SYTL3: variants seen among roughly 807,000 people sequenced by gnomAD.
SYTL3 encodes the protein synaptotagmin-like protein 3.
SYTL3 carries 88 observed loss-of-function variants against 82.1 expected under a neutral mutation model. The observed-to-expected ratio is 1.07, with a 90% CI of 0.90 to 1.28. The LOEUF (loss-of-function observed/expected upper bound fraction) is 1.28. SYTL3 is among the 50% of genes most tolerant of loss of function. The pLI is 0.00. For synonymous variants in SYTL3, 311 were observed against 289.4 expected, an observed-to-expected ratio of 1.07 and a Z score of -0.76; for missense variants, 831 against 757.6, an observed-to-expected ratio of 1.10 and a Z score of -1.14.
chr6:158,663,739 G>A, intron 4 of SYTL3: 3 of 401,906 alleles, frequency 7.5e-6, no homozygotes, highest in Non-Finnish European at 1.0e-5. Context: ...CTCCAGTTAA[G>A]GGTTTTCCTA....
At chr6:158,672,914 C>A (rs530810436) in intron 5 of SYTL3, among the ~76,000 whole-genome samples, 1 of 151,946 alleles carries the variant, frequency 6.6e-6, no homozygotes, top group Non-Finnish European at 1.5e-5. Context: ...GAATTTCAGG[C>A]GTGAGCCACC....
chr6:158,663,416 A>G (rs765551329), intron 4 of SYTL3, 38 bp downstream of exon 4: 11 of 1,607,320 alleles, frequency 6.8e-6, no homozygotes, highest in Non-Finnish European at 7.6e-6. Context: ...TTGGGTGTTT[A>G]GCTTTCTCTG....
intron 8 of SYTL3, among the ~76,000 whole-genome samples, chr6:158,709,004 A>C (rs1782447007): frequency 6.6e-6 from 1 of 152,220 alleles, no homozygotes; most frequent in Non-Finnish European, 1.5e-5. Context: ...TGGGAGGCCG[A>C]GGTGGGTCAC....
chr6:158,724,654 AT>A (rs1784498225), intron 10 of SYTL3, among the ~76,000 whole-genome samples: 1 of 152,250 alleles, frequency 6.6e-6, no homozygotes, highest in Non-Finnish European at 1.5e-5. Context: ...TTTGATTTCA[AT>A]TAATTTAAGT....
rs560464316 is a variant in SYTL3 at position 158,653,488 on chromosome 6, A to G, written c.-637+1646A>G. 6.5e-3 allele frequency among the ~76,000 whole-genome samples: 983 copies of G among 152,192 alleles called. 4 individuals are homozygous for G. The highest frequency in any genetic ancestry group is 0.011 in the Non-Finnish European group (746 of 67,998). On this transcript the variant is annotated intron_variant, in intron 2 of 17. Coordinates refer to ENST00000611299, the MANE Select transcript of SYTL3 (RefSeq NM_001242394.2). ...GCCATTGCATTCCCGCCTGGGCAAC[A>G]AGAGCGAACTCCGTCTCAGAGAAAA...
At position 158,763,277 on chromosome 6, in the gene SYTL3, A is replaced by G; in HGVS notation, c.1518-27A>G. 6 of 1,611,182 alleles carry G rather than the reference A, an allele frequency of 3.7e-6. No homozygotes were observed. In the African/African-American group the frequency reaches 4.0e-5, roughly 11 times the overall value. The stretch of plus-strand genomic sequence containing the variant: ...AGAGAAGGCCGTGTGGATGGCAATG[A>G]TTGCAGGGTTTGTGTTCCCTCTTCA... On this transcript the variant is annotated intron_variant, in intron 16 of 17. Coordinates refer to ENST00000611299, the MANE Select transcript of SYTL3 (RefSeq NM_001242394.2).
intron 5 of SYTL3, among the ~76,000 whole-genome samples, chr6:158,681,318 G>A (rs995722217): frequency 2.0e-5 from 3 of 152,114 alleles, no homozygotes; most frequent in Admixed American, 6.5e-5. Context: ...AGCAGTTAGC[G>A]TCTCGAGTGC....
At chr6:158,736,122 C>T (rs1398569142) in intron 11 of SYTL3, among the ~76,000 whole-genome samples, 1 of 152,158 alleles carries the variant, frequency 6.6e-6, no homozygotes, top group Non-Finnish European at 1.5e-5. Flanking sequence ...GAGGCCAGGG[C>T]GGGTGGATCA....
chr6:158,663,232 A>C lies in SYTL3; in HGVS notation c.-37A>C. 1 of 1,602,072 alleles carries C rather than the reference A, an allele frequency of 6.2e-7. No individual in the cohort carries two copies. The highest frequency in any genetic ancestry group is 1.7e-5 in the Admixed American group (1 of 59,970). ...CGTGAGCGCTTGGTCCATGCAGTGA[A>C]GCTCTTCCAACCTGGGTCAACGAAA... On this transcript the variant is annotated 5_prime_UTR_variant, in exon 4 of 18. Transcript: ENST00000611299.
chr6:158,667,503 G>C (rs1790218104), intron 5 of SYTL3, among the ~76,000 whole-genome samples: 1 of 152,126 alleles, frequency 6.6e-6, no homozygotes, highest in South Asian at 2.1e-4. Flanking sequence ...GCTTTATCCA[G>C]TCTGGGCTGT....
At chr6:158,702,793 G>A (rs1334336569) in intron 6 of SYTL3, among the ~76,000 whole-genome samples, 5 of 151,310 alleles carry the variant, frequency 3.3e-5, no homozygotes, top group South Asian at 2.1e-4. Flanking sequence ...TACAAAATCC[G>A]TTTTGTCACT....
At chr6:158,739,521 A>T (rs550432667) in intron 11 of SYTL3, among the ~76,000 whole-genome samples, 1 of 152,076 alleles carries the variant, frequency 6.6e-6, no homozygotes, top group Non-Finnish European at 1.5e-5. Context: ...TCTATATGAG[A>T]GTCCAAACAT....
chr6:158,723,192 T>G (rs1468222965), intron 10 of SYTL3, among the ~76,000 whole-genome samples: 1 of 149,866 alleles, frequency 6.7e-6, no homozygotes, highest in Non-Finnish European at 1.5e-5. Flanking sequence ...CCTCCCGGGT[T>G]CAAGTGATTC....
intron 11 of SYTL3, among the ~76,000 whole-genome samples, chr6:158,740,686 T>C (rs758283247): frequency 1.3e-5 from 2 of 152,214 alleles, no homozygotes; most frequent in Non-Finnish European, 2.9e-5. Context: ...GGCAATTTTT[T>C]ACTGAATGCT....
At chr6:158,703,317 C>A (rs1417932980) in intron 6 of SYTL3, among the ~76,000 whole-genome samples, 1 of 152,148 alleles carries the variant, frequency 6.6e-6, no homozygotes, top group African/African-American at 2.4e-5. Flanking sequence ...TGGCCTGCAG[C>A]TGTTCCTGTC....
chr6:158,708,253 G>C, intron 7 of SYTL3, 69 bp from the exon 8 acceptor site: 1 of 1,294,376 alleles, frequency 7.7e-7, no homozygotes, highest in Non-Finnish European at 1.1e-6. Context: ...GGCACATTTT[G>C]TGTATTTGTA....
chr6:158,702,725 C>T lies in SYTL3; in HGVS notation c.395-4505C>T, dbSNP rs1004099595. On this transcript the variant is annotated intron_variant, in intron 6 of 17. Transcript: ENST00000611299. ...GTCTTGTCCCCACCCGCTCCCCACC[C>T]TAAGTTATATTTGTACACTTTTTCT... Among the ~76,000 whole-genome samples the T allele has an allele frequency of 2.0e-5, 3 of 152,176 alleles. No individual in the cohort carries two copies. In the East Asian group the frequency reaches 5.8e-4, roughly 29 times the overall value.
At chr6:158,676,787 C>CA (rs898585025) in intron 5 of SYTL3, among the ~76,000 whole-genome samples, 3 of 151,904 alleles carry the variant, frequency 2.0e-5, no homozygotes, top group African/African-American at 4.8e-5. Flanking sequence ...TTTATGCGGC[C>CA]AAAAAACACA....
intron 5 of SYTL3, among the ~76,000 whole-genome samples, chr6:158,675,433 G>C (rs571725407): frequency 2.0e-5 from 3 of 152,080 alleles, no homozygotes; most frequent in Non-Finnish European, 4.4e-5. Context: ...TTTTTTTCCT[G>C]TAAGGATGTG....
Sources: gnomAD v4.1 joint callset for allele counts (sites outside exome capture counted in the v4.1 genomes callset) on GRCh38, gnomAD v4.1.1 for gene constraint, MANE v1.5 for transcripts, NCBI Gene and HGNC (gene_info 2026-07-23, HGNC 2026-07-21) for gene names.